HNF1B: variants seen among roughly 807,000 people sequenced by gnomAD.
The protein encoded by HNF1B is HNF1 homeobox B.
HNF1B carries 8 observed loss-of-function variants against 61.7 expected under a neutral mutation model. That is an observed-to-expected ratio of 0.13 (90% confidence interval 0.08 to 0.23). The LOEUF (loss-of-function observed/expected upper bound fraction) is 0.23, where lower values mean the gene tolerates loss of function less well. Ranked by LOEUF, HNF1B falls within the 10% of genes least tolerant of loss-of-function variation. The pLI is 1.00. For missense variants in HNF1B, 562 were observed against 714.5 expected (o/e 0.79, Z 2.43); for synonymous variants, 314 against 287.7 (o/e 1.09, Z -0.93).
At chr17:37,693,360 TC>T (rs2032273368) in intron 8 of HNF1B, among the ~76,000 whole-genome samples, 1 of 152,074 alleles carries the variant, frequency 6.6e-6, no homozygotes, top group African/African-American at 2.4e-5. Flanking sequence ...GGTGGGATTT[TC>T]CCCATTTATA....
intron 8 of HNF1B, among the ~76,000 whole-genome samples, chr17:37,689,678 G>C (rs1435189408): frequency 6.6e-6 from 1 of 152,226 alleles, no homozygotes; most frequent in Non-Finnish European, 1.5e-5. Flanking sequence ...CCGTCTGAAA[G>C]GTGTGGTAGC....
chr17:37,687,391 C>T lies in HNF1B; in HGVS notation c.1655G>A (p.Cys552Tyr), dbSNP rs764255300. The change falls in exon 9 of 9, where the codon TGT (cysteine) becomes TAT (tyrosine). Residue 552 changes from cysteine to tyrosine, a missense_variant and splice_region_variant. Physicochemically the swap from Cys to Tyr is radical, Grantham distance 194 (BLOSUM62 -2). This residue lies in a region of HNF1B where 64 missense variants were observed against 96.9 expected (regional missense o/e 0.66). Coordinates refer to ENST00000617811, the MANE Select transcript of HNF1B (RefSeq NM_000458.4). ...TGGGCATCACCAGGCTTGTAGAGGA[C>T]ACTGCAGAGAGAGAGGAGAGAGGGT... is the stretch of plus-strand genomic sequence containing the variant. Reference protein sequence around the residue: ...TLTNMSSSKQCPLQAW With the variant: ...TLTNMSSSKQYPLQAW The T allele has an allele frequency of 1.2e-6, 2 of 1,612,116 alleles. No homozygotes were observed. Among genetic ancestry groups the T allele is most frequent in the Non-Finnish European group, 1.7e-6 (2 of 1,178,468 alleles).
intron 2 of HNF1B, among the ~76,000 whole-genome samples, chr17:37,735,303 C>CA (rs750649685): frequency 2.0e-5 from 3 of 152,224 alleles, no homozygotes; most frequent in Non-Finnish European, 4.4e-5. Context: ...AGTGGCCCTC[C>CA]AGGCTATATG....
At chr17:37,733,313 A>G (rs1484062944) in intron 3 of HNF1B, among the ~76,000 whole-genome samples, 1 of 152,190 alleles carries the variant, frequency 6.6e-6, no homozygotes, top group African/African-American at 2.4e-5. Context: ...GGGTTTCTTG[A>G]CTGCAGGGCT....
At chr17:37,692,537 G>T (rs1348366484) in intron 8 of HNF1B, among the ~76,000 whole-genome samples, 1 of 152,222 alleles carries the variant, frequency 6.6e-6, no homozygotes, top group Non-Finnish European at 1.5e-5. Flanking sequence ...TCCAGGAAAT[G>T]TAAGCTAGAA....
At chr17:37,740,520 G>A (rs2033963117) in intron 1 of HNF1B, among the ~76,000 whole-genome samples, 1 of 152,166 alleles carries the variant, frequency 6.6e-6, no homozygotes. Flanking sequence ...AAGAAGCAAG[G>A]AGGATGTCTT....
chr17:37,742,346 C>T (rs1001845048), intron 1 of HNF1B, among the ~76,000 whole-genome samples: 1 of 152,210 alleles, frequency 6.6e-6, no homozygotes, highest in Non-Finnish European at 1.5e-5. Flanking sequence ...CAGTCCCGAC[C>T]TTCCTCCCCT....
intron 5 of HNF1B, among the ~76,000 whole-genome samples, chr17:37,710,281 G>T (rs991794721): frequency 1.5e-4 from 23 of 152,242 alleles, no homozygotes; most frequent in African/African-American, 5.5e-4. Flanking sequence ...AAAGAGAGCA[G>T]AACTCTGTCA....
intron 5 of HNF1B, among the ~76,000 whole-genome samples, chr17:37,708,994 CCT>C (rs1186756427): frequency 1.3e-5 from 2 of 152,138 alleles, no homozygotes; most frequent in Non-Finnish European, 2.9e-5. Context: ...GCCTCTGCAC[CCT>C]GTTGCCCTCA....
intron 4 of HNF1B, chr17:37,730,640 C>G (rs1181624900): frequency 1.3e-5 from 2 of 152,280 alleles, no homozygotes; most frequent in African/African-American, 4.8e-5. Flanking sequence ...AGAAGGGCAA[C>G]CGACAGGTGA....
intron 4 of HNF1B, among the ~76,000 whole-genome samples, chr17:37,717,365 A>G (rs2033159376): frequency 6.6e-6 from 1 of 152,204 alleles, no homozygotes; most frequent in African/African-American, 2.4e-5. Context: ...GCTCTGTCAC[A>G]CACATTCTTC....
At chr17:37,708,862 G>A (rs1441767605) in intron 5 of HNF1B, among the ~76,000 whole-genome samples, 3 of 152,126 alleles carry the variant, frequency 2.0e-5, no homozygotes, top group Non-Finnish European at 4.4e-5. Flanking sequence ...ACCAGAATTG[G>A]CCGGGTCAGT....
At chr17:37,743,874 C>G (rs750039816) in intron 1 of HNF1B, among the ~76,000 whole-genome samples, 22 of 152,230 alleles carry the variant, frequency 1.4e-4, no homozygotes, top group Non-Finnish European at 3.1e-4. Context: ...CCCACACCAC[C>G]GCGCTTGGTT....
intron 4 of HNF1B, among the ~76,000 whole-genome samples, chr17:37,715,706 A>G (rs994722047): frequency 1.3e-5 from 2 of 152,178 alleles, no homozygotes; most frequent in Non-Finnish European, 2.9e-5. Flanking sequence ...AGTAACTCAC[A>G]ACCCGCAGCA....
chr17:37,687,955 C>G (rs1209438198), intron 8 of HNF1B, among the ~76,000 whole-genome samples: 3 of 152,194 alleles, frequency 2.0e-5, no homozygotes, highest in Non-Finnish European at 4.4e-5. Context: ...TGCTGCTCAC[C>G]TAGGGCAGCA....
intron 4 of HNF1B, among the ~76,000 whole-genome samples, chr17:37,722,085 T>G (rs1691868548): frequency 6.6e-6 from 1 of 152,196 alleles, no homozygotes; most frequent in South Asian, 2.1e-4. Flanking sequence ...ATGATTTTTA[T>G]GTGGTCTGGA....
At position 37,687,444 on chromosome 17, in the gene HNF1B, T is replaced by C; in HGVS notation, c.1654-52A>G. ...TCAGCTGTGTCATTTGGCAGGGTCA[T>C]GGGCCATTAGTTTGGCTTCTCTAAG... On this transcript the variant is annotated intron_variant, in intron 8 of 8. Coordinates refer to ENST00000617811, the MANE Select transcript of HNF1B (RefSeq NM_000458.4). 3.5e-6 allele frequency: 5 copies of C among 1,425,574 alleles called. 1 individual carries two copies. Among genetic ancestry groups the C allele is most frequent in the Middle Eastern group, 3.5e-4 (2 of 5,696 alleles). The allele number at this position is 1,425,574 out of a possible 1,614,324, so 88.3% of individuals were successfully genotyped here.
chr17:37,742,368 C>T (rs548368814), intron 1 of HNF1B, among the ~76,000 whole-genome samples: 35 of 152,280 alleles, frequency 2.3e-4, no homozygotes, highest in African/African-American at 7.9e-4. Flanking sequence ...CCTTTCTCTT[C>T]CAGGAGGTTT....
At chr17:37,688,980 A>G (rs1362639726) in intron 8 of HNF1B, among the ~76,000 whole-genome samples, 4 of 152,000 alleles carry the variant, frequency 2.6e-5, no homozygotes, top group African/African-American at 9.7e-5. Context: ...CCACATCCCT[A>G]CTAAAAATAC....
Sources: allele counts gnomAD v4.1 joint callset (sites outside exome capture counted in the v4.1 genomes callset), GRCh38; gene constraint gnomAD v4.1.1; regional missense constraint gnomAD v4.1.1; transcripts MANE v1.5; gene names NCBI Gene and HGNC (gene_info 2026-07-23, HGNC 2026-07-21).